ASCC3: variants seen among roughly 807,000 people sequenced by gnomAD.
ASCC3 encodes activating signal cointegrator 1 complex subunit 3.
In ASCC3, 158 loss-of-function variants were observed where a neutral mutation model predicts 256.3. The ratio of observed to expected loss-of-function variants is 0.62; its 90% confidence interval spans 0.54 to 0.70. ASCC3 has a LOEUF of 0.70. ASCC3 is among the 30% of genes least tolerant of loss of function. The probability of loss-of-function intolerance (pLI) is 0.00; values close to 1 mark genes in which losing one functional copy is unlikely to be tolerated. For synonymous variants in ASCC3, 948 were observed against 883.4 expected, an observed-to-expected ratio of 1.07 and a Z score of -1.30; for missense variants, 2,259 against 2,626.0, an observed-to-expected ratio of 0.86 and a Z score of 3.05.
At chr6:100,543,304 G>A (rs936740884) in intron 36 of ASCC3, among the ~76,000 whole-genome samples, 1 of 152,076 alleles carries the variant, frequency 6.6e-6, no homozygotes, top group Non-Finnish European at 1.5e-5. Flanking sequence ...TACATGTTCA[G>A]TACAAATGCA....
chr6:100,559,195 A>C (rs1769793215), intron 36 of ASCC3, among the ~76,000 whole-genome samples: 1 of 152,166 alleles, frequency 6.6e-6, no homozygotes, highest in African/African-American at 2.4e-5. Flanking sequence ...ATACTGTGAA[A>C]CTTCTTTTTT....
At chr6:100,762,584 A>G (rs1055789568) in intron 10 of ASCC3, among the ~76,000 whole-genome samples, 5 of 152,218 alleles carry the variant, frequency 3.3e-5, no homozygotes, top group African/African-American at 1.2e-4. Context: ...GCTGTACACC[A>G]AAAAGGTATT....
chr6:100,508,832 T>C lies in ASCC3; in HGVS notation c.*554A>G, dbSNP rs1773619952. The C allele has an allele frequency of 6.5e-6, 1 of 154,478 alleles. No individual in the cohort carries two copies. Among genetic ancestry groups the C allele is most frequent in the Non-Finnish European group, 1.4e-5 (1 of 69,528 alleles). The allele number at this position is 154,478 out of a possible 1,614,324, so 9.6% of individuals were successfully genotyped here. On this transcript the variant is annotated 3_prime_UTR_variant, in exon 42 of 42. Coordinates refer to ENST00000369162, the MANE Select transcript of ASCC3 (RefSeq NM_006828.4). The stretch of plus-strand genomic sequence containing the variant: ...TTGTTATCATCATTAGGCTCCATAA[T>C]ATAATTTTACATCATATATTATTAA...
At position 100,723,895 on chromosome 6, in the gene ASCC3, TATTTATA is replaced by T. The variant is rs1395307437; in HGVS notation, c.1902+1637_1902+1643del. Among the ~76,000 whole-genome samples the T allele has an allele frequency of 5.9e-3, 766 of 129,178 alleles. 14 individuals are homozygous for T. The highest frequency in any genetic ancestry group is 0.012 in the Middle Eastern group (3 of 252). 84.7% of individuals were successfully genotyped at this position (129,178 alleles called of 152,430 possible). A position where few individuals can be genotyped will look rare whatever the true frequency, so the allele number is the denominator to read the frequency against. The stretch of plus-strand genomic sequence containing the variant: ...ATATATATATATATATATATATATA[TATTTATA>T]ATTATATATATGACACATATATATA... On this transcript the variant is annotated intron_variant, in intron 11 of 41. Coordinates refer to ENST00000369162, the MANE Select transcript of ASCC3 (RefSeq NM_006828.4).
At chr6:100,630,135 C>T (rs893953406) in intron 26 of ASCC3, among the ~76,000 whole-genome samples, 31 of 151,924 alleles carry the variant, frequency 2.0e-4, no homozygotes, top group African/African-American at 7.3e-4. Context: ...GGTGATCACC[C>T]GCCTCAGCCT....
rs1476130213 is a variant in ASCC3 at position 100,509,226 on chromosome 6, T to C, written c.*160A>G. 3.3e-6 allele frequency: 3 copies of C among 902,714 alleles called. No homozygotes were observed. Among genetic ancestry groups the C allele is most frequent in the African/African-American group, 3.3e-5 (2 of 60,510 alleles). 55.9% of individuals were successfully genotyped at this position (902,714 alleles called of 1,614,324 possible). On this transcript the variant is annotated 3_prime_UTR_variant, in exon 42 of 42. Coordinates refer to ENST00000369162, the MANE Select transcript of ASCC3 (RefSeq NM_006828.4). Reference sequence around the variant, plus strand: ...GTTAAAAGGCCACTGTGGTTAACTTTATGTCACTGGAGTCAATACTGCAGC... The same window carrying C: ...GTTAAAAGGCCACTGTGGTTAACTTCATGTCACTGGAGTCAATACTGCAGC...
At chr6:100,875,356 G>C (rs59852351) in intron 1 of ASCC3, among the ~76,000 whole-genome samples, 5,573 of 152,224 alleles carry the variant, frequency 0.037, 191 homozygotes, top group African/African-American at 0.086. Context: ...TGATAATTCT[G>C]TTTTGGAAAA....
chr6:100,575,350 T>C (rs1455915128), intron 36 of ASCC3, among the ~76,000 whole-genome samples: 1 of 152,100 alleles, frequency 6.6e-6, no homozygotes, highest in Non-Finnish European at 1.5e-5. Context: ...GAGAAAGATA[T>C]TTTTGCAATT....
At position 100,662,441 on chromosome 6, in the gene ASCC3, A is replaced by T. The variant is rs139321835; in HGVS notation, c.2382T>A (p.Val794=). The change falls in exon 15 of 42, where the codon GTT becomes GTA. Residue 794 remains valine, a synonymous_variant. Coordinates refer to ENST00000369162, the MANE Select transcript of ASCC3 (RefSeq NM_006828.4). ...AGMLRQDRNL[V]ENLFSNGHIK... The stretch of plus-strand genomic sequence containing the variant: ...TATGCCCATTAGAAAACAAGTTTTC[A>T]ACTAAATTTCTGTCCTGCCGAAGCA... 3.5e-5 allele frequency: 57 copies of T among 1,613,244 alleles called. No individual in the cohort carries two copies. In the African/African-American group the frequency reaches 7.2e-4, roughly 20 times the overall value.
intron 4 of ASCC3, among the ~76,000 whole-genome samples, chr6:100,824,379 T>C (rs147570423): frequency 6.6e-4 from 100 of 152,318 alleles, no homozygotes; most frequent in African/African-American, 2.1e-3. Flanking sequence ...ATAAGTCTAC[T>C]TGGAGTTCCA....
chr6:100,805,718 A>G, intron 5 of ASCC3, 42 bp downstream of exon 5: 1 of 1,598,868 alleles, frequency 6.3e-7, no homozygotes, highest in Non-Finnish European at 8.5e-7. Context: ...TAACCAATGA[A>G]TATTTCCTTT....
intron 16 of ASCC3, among the ~76,000 whole-genome samples, chr6:100,661,323 T>TCTCACACACACACACACACACA (rs1435976050): frequency 7.1e-6 from 1 of 141,516 alleles, no homozygotes; most frequent in Non-Finnish European, 1.6e-5. Flanking sequence ...AACACAAAAG[T>TCTCACACACACACACACACACA]CACACACACA....
intron 14 of ASCC3, among the ~76,000 whole-genome samples, chr6:100,663,094 C>T (rs1268291925): frequency 6.6e-6 from 1 of 151,998 alleles, no homozygotes; most frequent in Non-Finnish European, 1.5e-5. Flanking sequence ...CATGATGCTT[C>T]CCCTATGATA....
In ASCC3 at chr6:100,809,828, G is replaced by C. The variant is rs868092542; in HGVS notation, c.802-3948C>G. Among the ~76,000 whole-genome samples, 3 of 152,000 alleles carry C rather than the reference G, an allele frequency of 2.0e-5. No homozygotes were observed. The South Asian group carries it at 6.2e-4, about 31-fold the overall frequency. ...AAAGTATATGAAGTAAATGGATGAG[G>C]CTACTCTGAACAAAAAAGACTAATT... On this transcript the variant is annotated intron_variant, in intron 4 of 41. Transcript: ENST00000369162.
intron 10 of ASCC3, among the ~76,000 whole-genome samples, chr6:100,737,020 G>A (rs1033389368): frequency 6.6e-6 from 1 of 151,948 alleles, no homozygotes. Context: ...AGTGGCGTGC[G>A]CCTGTAGTCC....
At chr6:100,582,798 G>A (rs577593722) in intron 36 of ASCC3, among the ~76,000 whole-genome samples, 3 of 151,996 alleles carry the variant, frequency 2.0e-5, no homozygotes, top group South Asian at 2.1e-4. Context: ...TAGCATGAAG[G>A]GTTGTTGAAT....
intron 1 of ASCC3, among the ~76,000 whole-genome samples, chr6:100,872,971 C>T (rs1773820342): frequency 6.6e-6 from 1 of 152,020 alleles, no homozygotes; most frequent in Non-Finnish European, 1.5e-5. Flanking sequence ...TATGACAAAA[C>T]ATGGTTCTTT....
Position 100,655,172 on chromosome 6 carries a change from G to A in ASCC3, c.2823+527C>T, listed in dbSNP as rs80029899. On this transcript the variant is annotated intron_variant, in intron 17 of 41. Transcript: ENST00000369162. The stretch of plus-strand genomic sequence containing the variant: ...GGACCACACAATTGTGAAGTTCATA[G>A]GAAGAACTGCTATCAAATGCATCTA... 7.2e-3 allele frequency among the ~76,000 whole-genome samples: 1,090 copies of A among 151,944 alleles called. 10 individuals are homozygous for A. Among genetic ancestry groups the A allele is most frequent in the African/African-American group, 0.024 (1,015 of 41,524 alleles).
chr6:100,828,974 G>A (rs1375115368), intron 4 of ASCC3, among the ~76,000 whole-genome samples: 2 of 152,042 alleles, frequency 1.3e-5, no homozygotes, highest in African/African-American at 2.4e-5. Context: ...TGATTGGTGC[G>A]TTTACAATCC....
Sources: gnomAD v4.1 joint callset for allele counts (sites outside exome capture counted in the v4.1 genomes callset) on GRCh38, gnomAD v4.1.1 for gene constraint, MANE v1.5 for transcripts, NCBI Gene and HGNC (gene_info 2026-07-23, HGNC 2026-07-21) for gene names.